The following PAFAH2 variants were observed in gnomAD, a reference collection of about 807,000 sequenced individuals.
PAFAH2 encodes platelet activating factor acetylhydrolase 2.
Under a neutral mutation model 49.0 loss-of-function variants are expected in PAFAH2, and 42 were observed. The ratio of observed to expected loss-of-function variants is 0.86; its 90% CI spans 0.67 to 1.11. The LOEUF is 1.11. Ranked by LOEUF, PAFAH2 falls within the 50% of genes least tolerant of loss-of-function variation. The pLI is 0.00. For synonymous variants in PAFAH2, 184 were observed against 181.3 expected (o/e 1.01, Z -0.12); for missense variants, 503 against 501.8 (o/e 1.00, Z -0.02).
chr1:25,982,509 A>T, intron 6 of PAFAH2, 32 bp from the exon 7 acceptor site: 2 of 1,450,788 alleles, frequency 1.4e-6, no homozygotes, highest in Non-Finnish European at 1.9e-6. Context: ...TGGGACTGGA[A>T]CACTCCACAA....
chr1:25,965,117 C>A (rs2049399878), intron 10 of PAFAH2, among the ~76,000 whole-genome samples: 1 of 152,090 alleles, frequency 6.6e-6, no homozygotes, highest in Admixed American at 6.6e-5. Flanking sequence ...CCCATACCTA[C>A]AACCAACTGA....
intron 3 of PAFAH2, 135 bp from the exon 4 acceptor site, chr1:25,988,462 G>T (rs2049819886): frequency 4.7e-6 from 3 of 638,968 alleles, no homozygotes; most frequent in Non-Finnish European, 5.6e-6. Context: ...AGCAGCTCAG[G>T]GCAGTTAATC....
At chr1:25,964,335 A>C (rs2049388278) in intron 10 of PAFAH2, 4 of 152,306 alleles carry the variant, frequency 2.6e-5, no homozygotes, top group Admixed American at 2.0e-4. Flanking sequence ...TGATTGAGGA[A>C]GCCAAAATAA....
Position 25,976,786 on chromosome 1 carries a change from G to C in PAFAH2, c.667-13C>G. 6.2e-7 allele frequency: 1 copy of C among 1,609,164 alleles called. No homozygotes were observed. The highest frequency in any genetic ancestry group is 8.5e-7 in the Non-Finnish European group (1 of 1,175,682). Reference sequence around the variant, plus strand: ...TGTCAATGTTGCCCTGAGGAAAGTGGAGAACTTAGCCAAGTCAGAAACTCA... The same window carrying C: ...TGTCAATGTTGCCCTGAGGAAAGTGCAGAACTTAGCCAAGTCAGAAACTCA... On this transcript the variant is annotated splice_polypyrimidine_tract_variant and intron_variant, in intron 7 of 10. Coordinates refer to ENST00000374282, the MANE Select transcript of PAFAH2 (RefSeq NM_000437.4).
chr1:25,970,813 C>T (rs964588116), intron 10 of PAFAH2, among the ~76,000 whole-genome samples: 6 of 151,962 alleles, frequency 3.9e-5, no homozygotes, highest in African/African-American at 9.7e-5. Context: ...GTCTCAAACC[C>T]GTGGCCTCAA....
chr1:25,976,093 T>C (rs576379695), intron 8 of PAFAH2, among the ~76,000 whole-genome samples: 1 of 152,196 alleles, frequency 6.6e-6, no homozygotes, highest in Non-Finnish European at 1.5e-5. Flanking sequence ...ACTGGCTTCT[T>C]TGCCTTCCCA....
intron 4 of PAFAH2, among the ~76,000 whole-genome samples, chr1:25,987,813 G>C (rs1194585946): frequency 6.6e-6 from 1 of 152,044 alleles, no homozygotes; most frequent in Admixed American, 6.5e-5. Context: ...AAGAGGTTGA[G>C]GCTGCAGTGA....
Position 25,972,543 on chromosome 1 carries a change from C to T in PAFAH2, c.1084+15G>A. The T allele has an allele frequency of 6.2e-7, 1 of 1,608,242 alleles. No homozygotes were observed. The highest frequency in any genetic ancestry group is 1.1e-5 in the South Asian group (1 of 90,580). Reference sequence around the variant, plus strand: ...GACCCCACAGCTGCCCCAAGAGCCCCAGTTTTCTCCTTACCGAGGTGCTTC... The same window carrying T: ...GACCCCACAGCTGCCCCAAGAGCCCTAGTTTTCTCCTTACCGAGGTGCTTC... On this transcript the variant is annotated intron_variant, in intron 10 of 10. Coordinates refer to ENST00000374282, the MANE Select transcript of PAFAH2 (RefSeq NM_000437.4).
chr1:25,985,483 A>G (rs2049769085), intron 4 of PAFAH2, among the ~76,000 whole-genome samples: 2 of 152,204 alleles, frequency 1.3e-5, no homozygotes, highest in South Asian at 4.1e-4. Context: ...TAATGAGAGT[A>G]TTTTTAACTG....
At chr1:25,967,159 G>T (rs2049438923) in intron 10 of PAFAH2, among the ~76,000 whole-genome samples, 1 of 152,090 alleles carries the variant, frequency 6.6e-6, no homozygotes. Flanking sequence ...CTGTGGGGTG[G>T]TGACAAGTGA....
intron 7 of PAFAH2, among the ~76,000 whole-genome samples, chr1:25,980,616 T>A (rs1249035008): frequency 6.8e-6 from 1 of 147,226 alleles, no homozygotes; most frequent in East Asian, 1.9e-4. Context: ...CATATTTATA[T>A]ATATATATAT....
At chr1:25,991,883 A>G (rs941351618) in intron 1 of PAFAH2, among the ~76,000 whole-genome samples, 1 of 152,010 alleles carries the variant, frequency 6.6e-6, no homozygotes, top group Non-Finnish European at 1.5e-5. Flanking sequence ...ACAGAGTGAG[A>G]CCCTGTCTCA....
rs1017816449 is a variant in PAFAH2 at position 25,987,182 on chromosome 1, C to T, written c.341+1049G>A. Among the ~76,000 whole-genome samples, 3 of 150,628 alleles carry T rather than the reference C, an allele frequency of 2.0e-5. No homozygotes were observed. In the South Asian group the frequency reaches 6.3e-4, roughly 32 times the overall value. On this transcript the variant is annotated intron_variant, in intron 4 of 10. Coordinates refer to ENST00000374282, the MANE Select transcript of PAFAH2 (RefSeq NM_000437.4). ...CCGGAAGGCAAAGGTTGCAGTGAGCCGAGATCACGCCACTGCACTCCAGCC... is the reference window on the plus strand; with the variant it reads ...CCGGAAGGCAAAGGTTGCAGTGAGCTGAGATCACGCCACTGCACTCCAGCC...
intron 1 of PAFAH2, among the ~76,000 whole-genome samples, chr1:25,997,140 T>C (rs1486552418): frequency 2.6e-5 from 4 of 152,188 alleles, no homozygotes; most frequent in Admixed American, 1.3e-4. Context: ...CAAGATACAG[T>C]CCAAGATAAG....
At position 25,960,430 on chromosome 1, in the gene PAFAH2, C is replaced by A. The variant is rs2049323207; in HGVS notation, c.*1559G>T. 6.6e-6 allele frequency: 1 copy of A among 152,634 alleles called. No individual in the cohort carries two copies. The highest frequency in any genetic ancestry group is 1.5e-5 in the Non-Finnish European group (1 of 68,040). The allele number at this position is 152,634 out of a possible 1,614,324, so 9.5% of individuals were successfully genotyped here. On this transcript the variant is annotated 3_prime_UTR_variant, in exon 11 of 11. Coordinates refer to ENST00000374282, the MANE Select transcript of PAFAH2 (RefSeq NM_000437.4). ...ACTGGATCCCTAAGAAGACTTCCTT[C>A]CTTTTAAAGTTTTTTTCCCACATGG...
chr1:25,984,496 G>A lies in PAFAH2; in HGVS notation c.374C>T (p.Ala125Val). The change falls in exon 5 of 11, where the codon GCC (alanine) becomes GTC (valine). Residue 125 changes from alanine to valine, a missense_variant. By Grantham distance (64) the Ala-to-Val change is moderately conservative. Coordinates refer to ENST00000374282, the MANE Select transcript of PAFAH2 (RefSeq NM_000437.4). ...TLYSAFCMEL[A>V]SRGFVVAVPE... is the part of the protein sequence containing the mutation. ...CACAGCAACCACAAAGCCACGTGAG[G>A]CCAGCTCCATGCAGAAGGCTGAATA... 3 of 1,613,872 alleles carry A rather than the reference G, an allele frequency of 1.9e-6. No individual in the cohort carries two copies. Among genetic ancestry groups the A allele is most frequent in the Non-Finnish European group, 8.5e-7 (1 of 1,179,906 alleles).
chr1:25,979,068 CAT>C (rs1285777356), intron 7 of PAFAH2, among the ~76,000 whole-genome samples: 2 of 152,188 alleles, frequency 1.3e-5, no homozygotes, highest in East Asian at 3.9e-4. Context: ...GTCAAAGAAA[CAT>C]ATGCATTTGT....
At chr1:25,977,276 G>A (rs1220311258) in intron 7 of PAFAH2, among the ~76,000 whole-genome samples, 1 of 151,168 alleles carries the variant, frequency 6.6e-6, no homozygotes, top group African/African-American at 2.4e-5. Context: ...TGGGATTACA[G>A]GCGTGAGCCA....
rs553525273 is a variant in PAFAH2 at position 25,985,480 on chromosome 1, A to G, written c.342-952T>C. 3.9e-5 allele frequency among the ~76,000 whole-genome samples: 6 copies of G among 152,312 alleles called. No individual in the cohort carries two copies. In the South Asian group the frequency reaches 1.2e-3, roughly 32 times the overall value. On this transcript the variant is annotated intron_variant, in intron 4 of 10. Transcript: ENST00000374282. Reference sequence around the variant, plus strand: ...TTGGAATTTCACTCTGGTTAATGAGAGTATTTTTAACTGCCTCGCCCAGGT... The same window carrying G: ...TTGGAATTTCACTCTGGTTAATGAGGGTATTTTTAACTGCCTCGCCCAGGT...
Sources: allele counts gnomAD v4.1 joint callset (sites outside exome capture counted in the v4.1 genomes callset), GRCh38; gene constraint gnomAD v4.1.1; transcripts MANE v1.5; gene names NCBI Gene and HGNC (gene_info 2026-07-23, HGNC 2026-07-21).